Variants in ZNF385B observed in about 807,000 individuals in gnomAD.
ZNF385B encodes the protein zinc finger protein 533.
ZNF385B carries 23 observed loss-of-function variants against 39.2 expected under a neutral mutation model. The ratio of observed to expected loss-of-function variants is 0.59; its 90% CI spans 0.42 to 0.83. ZNF385B has a LOEUF of 0.83. ZNF385B is among the 40% of genes least tolerant of loss of function. The probability of loss-of-function intolerance (pLI) is 0.00; values close to 1 mark genes in which losing one functional copy is unlikely to be tolerated. For missense variants in ZNF385B, 552 were observed against 598.9 expected (o/e 0.92, Z 0.82); for synonymous variants, 205 against 222.6 (o/e 0.92, Z 0.70).
chr2:179,709,126 T>A (rs1217439915), intron 3 of ZNF385B, among the ~76,000 whole-genome samples: 1 of 152,204 alleles, frequency 6.6e-6, no homozygotes, highest in Non-Finnish European at 1.5e-5. Context: ...ACCTTTATCA[T>A]CTTGCCCCAG....
intron 6 of ZNF385B, among the ~76,000 whole-genome samples, chr2:179,477,374 A>G (rs2053542820): frequency 6.6e-6 from 1 of 152,218 alleles, no homozygotes. Context: ...CACCTGAAGA[A>G]CTGCCACCAT....
chr2:179,453,348 C>A (rs1385026652), intron 6 of ZNF385B, among the ~76,000 whole-genome samples: 4 of 152,142 alleles, frequency 2.6e-5, no homozygotes, highest in Non-Finnish European at 4.4e-5. Context: ...AAACCCCCAA[C>A]ACAGTCCTGC....
At chr2:179,791,499 T>C (rs559322539) in intron 1 of ZNF385B, among the ~76,000 whole-genome samples, 2 of 152,318 alleles carry the variant, frequency 1.3e-5, no homozygotes, top group African/African-American at 2.4e-5. Flanking sequence ...AAATGAACCA[T>C]TCTGTTTTAG....
chr2:179,482,163 CAT>C (rs968711014), intron 6 of ZNF385B, among the ~76,000 whole-genome samples: 13 of 152,220 alleles, frequency 8.5e-5, no homozygotes, highest in African/African-American at 3.1e-4. Context: ...TCCCTTTTTC[CAT>C]AGTCTCTTTG....
At position 179,800,353 on chromosome 2, in the gene ZNF385B, G is replaced by T. The variant is rs187352381; in HGVS notation, c.-154-29681C>A. ...ATAAATAAGAGATTTATTTATAGTT[G>T]CCCTTTTTGGACACTACAAATCATA... is the stretch of plus-strand genomic sequence containing the variant. On this transcript the variant is annotated intron_variant, in intron 1 of 9. Coordinates refer to ENST00000410066, the MANE Select transcript of ZNF385B (RefSeq NM_152520.6). Among the ~76,000 whole-genome samples, 45 of 152,010 alleles carry T rather than the reference G, an allele frequency of 3.0e-4. No individual in the cohort carries two copies. The East Asian group carries it at 7.7e-3, about 26-fold the overall frequency.
chr2:179,592,619 A>ATT (rs777140177), intron 3 of ZNF385B, among the ~76,000 whole-genome samples: 2 of 150,954 alleles, frequency 1.3e-5, no homozygotes, highest in East Asian at 3.9e-4. Context: ...TTTGGACACT[A>ATT]TTTTTTTTTA....
chr2:179,809,533 T>C (rs1465345334), intron 1 of ZNF385B, among the ~76,000 whole-genome samples: 1 of 152,122 alleles, frequency 6.6e-6, no homozygotes, highest in Admixed American at 6.5e-5. Flanking sequence ...AGTTCTATCG[T>C]TGAGTCTTAT....
chr2:179,674,923 C>T (rs1696540100), intron 3 of ZNF385B, among the ~76,000 whole-genome samples: 1 of 152,086 alleles, frequency 6.6e-6, no homozygotes, highest in African/African-American at 2.4e-5. Context: ...CTAACCCATG[C>T]AAAACTCACT....
chr2:179,603,906 G>A lies in ZNF385B; in HGVS notation c.299-58937C>T, dbSNP rs1357178141. On this transcript the variant is annotated intron_variant, in intron 3 of 9. Coordinates refer to ENST00000410066, the MANE Select transcript of ZNF385B (RefSeq NM_152520.6). Reference sequence around the variant, plus strand: ...TCTTTGTAGTAGATTCTACAAGAAAGAAAAAATAACTATAGTGTGATATAT... The same window carrying A: ...TCTTTGTAGTAGATTCTACAAGAAAAAAAAAATAACTATAGTGTGATATAT... Among the ~76,000 whole-genome samples, 5 of 152,076 alleles carry A rather than the reference G, an allele frequency of 3.3e-5. No homozygotes were observed. In the East Asian group the frequency reaches 9.6e-4, roughly 29 times the overall value.
intron 3 of ZNF385B, among the ~76,000 whole-genome samples, chr2:179,647,467 G>T (rs1427918368): frequency 6.6e-6 from 1 of 152,082 alleles, no homozygotes; most frequent in Non-Finnish European, 1.5e-5. Flanking sequence ...CTGGTCCTGA[G>T]TCTGACCAGG....
intron 3 of ZNF385B, among the ~76,000 whole-genome samples, chr2:179,764,926 T>G (rs1185676820): frequency 6.6e-6 from 1 of 152,212 alleles, no homozygotes; most frequent in African/African-American, 2.4e-5. Flanking sequence ...GCCTTCAGAC[T>G]CAAATTGAAA....
intron 3 of ZNF385B, among the ~76,000 whole-genome samples, chr2:179,655,862 G>C (rs561794781): frequency 6.6e-6 from 1 of 152,228 alleles, no homozygotes; most frequent in East Asian, 1.9e-4. Flanking sequence ...CTGAGTCATG[G>C]TTCTAGGGGA....
intron 5 of ZNF385B, among the ~76,000 whole-genome samples, chr2:179,510,263 GCTAT>G (rs1438918040): frequency 4.1e-5 from 6 of 147,880 alleles, no homozygotes; most frequent in Admixed American, 2.1e-4. Context: ...ATGTGAATAT[GCTAT>G]CTATCTTATA....
At chr2:179,756,597 C>T (rs778508234) in intron 3 of ZNF385B, among the ~76,000 whole-genome samples, 4 of 152,222 alleles carry the variant, frequency 2.6e-5, no homozygotes, top group Non-Finnish European at 5.9e-5. Flanking sequence ...TCCATTCTCC[C>T]CATCACTTTC....
chr2:179,588,298 G>C (rs548198780), intron 3 of ZNF385B, among the ~76,000 whole-genome samples: 27 of 152,048 alleles, frequency 1.8e-4, no homozygotes, highest in Non-Finnish European at 2.6e-4. Context: ...CCGTGTTAGC[G>C]AGCATGGTCT....
chr2:179,666,771 T>C (rs187585347), intron 3 of ZNF385B, among the ~76,000 whole-genome samples: 82 of 152,350 alleles, frequency 5.4e-4, no homozygotes, highest in Non-Finnish European at 1.2e-4. Context: ...ATGGAACTTA[T>C]GTTAGACTAA....
chr2:179,741,400 G>A (rs921215456), intron 3 of ZNF385B, among the ~76,000 whole-genome samples: 1 of 152,100 alleles, frequency 6.6e-6, no homozygotes, highest in Non-Finnish European at 1.5e-5. Flanking sequence ...ATTAGTAAGT[G>A]AGAAAAGAGA....
intron 6 of ZNF385B, among the ~76,000 whole-genome samples, chr2:179,464,634 G>A (rs2051777593): frequency 6.6e-6 from 1 of 152,148 alleles, no homozygotes; most frequent in African/African-American, 2.4e-5. Flanking sequence ...TTTGTGTCAG[G>A]TTTGTCAAAG....
chr2:179,573,909 C>T (rs1308615513), intron 3 of ZNF385B, among the ~76,000 whole-genome samples: 1 of 151,898 alleles, frequency 6.6e-6, no homozygotes, highest in Admixed American at 6.6e-5. Flanking sequence ...CACCAAAATG[C>T]CATAAAAATA....
Sources: gnomAD v4.1 joint callset for allele counts (sites outside exome capture counted in the v4.1 genomes callset) on GRCh38, gnomAD v4.1.1 for gene constraint, MANE v1.5 for transcripts, NCBI Gene and HGNC (gene_info 2026-07-23, HGNC 2026-07-21) for gene names.